The following TNPO1 variants were observed in gnomAD, a reference collection of about 807,000 sequenced individuals.
TNPO1 encodes transportin-1.
TNPO1 carries 8 observed loss-of-function variants against 119.5 expected under a neutral mutation model. The observed-to-expected ratio is 0.07, with a 90% confidence interval of 0.04 to 0.12. The LOEUF (loss-of-function observed/expected upper bound fraction) is 0.12, where lower values mean the gene tolerates loss of function less well. Ranked by LOEUF, TNPO1 falls within the 10% of genes least tolerant of loss-of-function variation. The probability of loss-of-function intolerance (pLI) is 1.00; values close to 1 mark genes in which losing one functional copy is unlikely to be tolerated. For missense variants in TNPO1, 576 were observed against 1,089.8 expected (o/e 0.53, Z 6.64); for synonymous variants, 362 against 363.0 (o/e 1.00, Z 0.03).
chr5:72,830,985 G>A (rs1041286937), intron 1 of TNPO1, among the ~76,000 whole-genome samples: 3 of 152,204 alleles, frequency 2.0e-5, no homozygotes, highest in African/African-American at 7.2e-5. Context: ...CGTTAGTCAA[G>A]ATATTTGTAA....
intron 6 of TNPO1, among the ~76,000 whole-genome samples, chr5:72,868,458 A>AAC (rs70973208): frequency 0.046 from 5,257 of 113,312 alleles, 912 homozygotes; most frequent in Non-Finnish European, 0.082. Context: ...AAAAAAAAAA[A>AAC]ACACAAAATA....
chr5:72,833,854 T>A (rs1258559857), intron 1 of TNPO1, among the ~76,000 whole-genome samples: 1 of 152,230 alleles, frequency 6.6e-6, no homozygotes, highest in African/African-American at 2.4e-5. Flanking sequence ...TTACAGAATA[T>A]ATGCTGCTGT....
At chr5:72,816,831 C>A in intron 1 of TNPO1, 79 bp downstream of exon 1, 2 of 1,495,570 alleles carry the variant, frequency 1.3e-6, no homozygotes, top group Non-Finnish European at 9.0e-7. Context: ...CCTGACGCGC[C>A]TACGGGAGAG....
intron 6 of TNPO1, among the ~76,000 whole-genome samples, chr5:72,866,034 GTTTTTT>G (rs1244582860): frequency 1.3e-5 from 2 of 148,280 alleles, no homozygotes; most frequent in Non-Finnish European, 3.0e-5. Context: ...TTAGTTGTGG[GTTTTTT>G]GTTTTTGTTT....
rs560091370 is a variant in TNPO1 at position 72,877,426 on chromosome 5, C to A, written c.920+80C>A. 1.8e-5 allele frequency: 13 copies of A among 715,166 alleles called. No individual in the cohort carries two copies. In the South Asian group the frequency reaches 3.5e-4, roughly 19 times the overall value. 44.3% of individuals were successfully genotyped at this position (715,166 alleles called of 1,614,324 possible). A position where few individuals can be genotyped will look rare whatever the true frequency, so the allele number is the denominator to read the frequency against. ...TTCATTTTCATATTTTTATAAAATT[C>A]ATTCTTTTGCCATCAGGGAGTGAGA... On this transcript the variant is annotated intron_variant, in intron 9 of 24. Coordinates refer to ENST00000337273, the MANE Select transcript of TNPO1 (RefSeq NM_002270.4).
At chr5:72,907,688 G>A (rs1349237258) in intron 24 of TNPO1, among the ~76,000 whole-genome samples, 3 of 152,168 alleles carry the variant, frequency 2.0e-5, no homozygotes, top group Non-Finnish European at 4.4e-5. Flanking sequence ...CAAGTGACTG[G>A]AAGATAGTGG....
chr5:72,844,985 A>G (rs1745068740), intron 1 of TNPO1, among the ~76,000 whole-genome samples: 2 of 152,134 alleles, frequency 1.3e-5, no homozygotes, highest in Non-Finnish European at 2.9e-5. Flanking sequence ...ATGGTATCAC[A>G]GTAACTCACC....
chr5:72,871,142 A>C (rs1349866640), intron 6 of TNPO1, among the ~76,000 whole-genome samples: 1 of 151,956 alleles, frequency 6.6e-6, no homozygotes, highest in Non-Finnish European at 1.5e-5. Context: ...AGGCCCGGCT[A>C]ATTTTTGTAT....
chr5:72,887,274 G>GTACCTAATA, intron 12 of TNPO1, 52 bp downstream of exon 12: 2 of 1,148,160 alleles, frequency 1.7e-6, no homozygotes, highest in Non-Finnish European at 1.2e-6. Context: ...ACTACTATTA[G>GTACCTAATA]GTACTAATAA....
intron 2 of TNPO1, among the ~76,000 whole-genome samples, chr5:72,849,340 G>A (rs889077814): frequency 6.6e-6 from 1 of 152,206 alleles, no homozygotes; most frequent in Non-Finnish European, 1.5e-5. Context: ...ACTGGATGCA[G>A]TAAAGGAAAC....
chr5:72,876,902 G>C (rs1057011142), intron 8 of TNPO1, among the ~76,000 whole-genome samples: 1 of 151,962 alleles, frequency 6.6e-6, no homozygotes, highest in Non-Finnish European at 1.5e-5. Context: ...AGACCATCCT[G>C]GCTAACACGG....
chr5:72,879,541 T>G (rs1322316052), intron 9 of TNPO1, among the ~76,000 whole-genome samples: 1 of 152,204 alleles, frequency 6.6e-6, no homozygotes, highest in Non-Finnish European at 1.5e-5. Flanking sequence ...TCCCTACTAC[T>G]GTGAGAGGCG....
chr5:72,822,834 C>G (rs547642464), intron 1 of TNPO1, among the ~76,000 whole-genome samples: 1 of 151,358 alleles, frequency 6.6e-6, no homozygotes, highest in Non-Finnish European at 1.5e-5. Context: ...CTCAGGCAAT[C>G]CGCCCACCTT....
chr5:72,832,851 A>G (rs1005409907), intron 1 of TNPO1, among the ~76,000 whole-genome samples: 1 of 152,284 alleles, frequency 6.6e-6, no homozygotes, highest in South Asian at 2.1e-4. Context: ...GAATTGGCAG[A>G]TGACTTTATT....
chr5:72,889,665 G>T, intron 13 of TNPO1, 121 bp from the exon 14 acceptor site: 1 of 1,035,828 alleles, frequency 9.7e-7, no homozygotes. Flanking sequence ...TTCATTAACA[G>T]ATGGCTTAGA....
chr5:72,850,467 A>G (rs1745457492), intron 2 of TNPO1, among the ~76,000 whole-genome samples: 1 of 152,234 alleles, frequency 6.6e-6, no homozygotes, highest in South Asian at 2.1e-4. Flanking sequence ...AGTTTGATTC[A>G]TGGATTTAAT....
At chr5:72,905,519 T>C in intron 24 of TNPO1, 74 bp downstream of exon 24, 4 of 659,770 alleles carry the variant, frequency 6.1e-6, no homozygotes, top group Non-Finnish European at 5.3e-6. Flanking sequence ...AACTACTAAA[T>C]AGAATAAAAA....
chr5:72,859,561 G>A (rs935892333), intron 4 of TNPO1, among the ~76,000 whole-genome samples: 2 of 152,134 alleles, frequency 1.3e-5, no homozygotes, highest in Admixed American at 6.5e-5. Context: ...AACAATACAT[G>A]TTGGGAATCT....
intron 7 of TNPO1, among the ~76,000 whole-genome samples, chr5:72,873,409 T>A (rs915397731): frequency 6.6e-6 from 1 of 152,120 alleles, no homozygotes; most frequent in African/African-American, 2.4e-5. Flanking sequence ...TGGGAAATTA[T>A]AAGGAAGAGT....
Sources: gnomAD v4.1 joint callset for allele counts (sites outside exome capture counted in the v4.1 genomes callset) on GRCh38, gnomAD v4.1.1 for gene constraint, MANE v1.5 for transcripts, NCBI Gene and HGNC (gene_info 2026-07-23, HGNC 2026-07-21) for gene names.